EYS: variants seen among roughly 807,000 people sequenced by gnomAD.
EYS encodes protein eyes shut homolog.
In EYS, 250 loss-of-function variants were observed where a neutral mutation model predicts 282.1. The observed-to-expected ratio is 0.89, with a 90% CI of 0.80 to 0.98. EYS has a LOEUF of 0.98. EYS is among the 50% of genes least tolerant of loss of function. The pLI is 0.00. For missense variants in EYS, 4,016 were observed against 3,709.0 expected, an observed-to-expected ratio of 1.08 and a Z score of -2.15; for synonymous variants, 1,355 against 1,282.9, an observed-to-expected ratio of 1.06 and a Z score of -1.20.
At chr6:64,425,296 C>A (rs184570597) in intron 28 of EYS, among the ~76,000 whole-genome samples, 47 of 151,920 alleles carry the variant, frequency 3.1e-4, no homozygotes, top group Non-Finnish European at 5.6e-4. Context: ...TAAAAAACAC[C>A]CTGGCCATAG....
At chr6:65,484,583 T>C (rs1489745674) in intron 5 of EYS, among the ~76,000 whole-genome samples, 1 of 152,118 alleles carries the variant, frequency 6.6e-6, no homozygotes, top group Non-Finnish European at 1.5e-5. Context: ...AGGTAATTCC[T>C]CCTTATTTCA....
At chr6:65,321,252 G>A (rs533075993) in intron 11 of EYS, among the ~76,000 whole-genome samples, 2 of 152,172 alleles carry the variant, frequency 1.3e-5, no homozygotes, top group South Asian at 4.2e-4. Flanking sequence ...GGAAGGCCTG[G>A]AAGTGTAAGA....
intron 29 of EYS, among the ~76,000 whole-genome samples, chr6:64,327,878 C>T (rs1308494937): frequency 1.3e-5 from 2 of 152,114 alleles, no homozygotes; most frequent in Non-Finnish European, 2.9e-5. Flanking sequence ...GAAGAAAGCA[C>T]CCCTCAGGCA....
chr6:64,621,966 C>T (rs555975454), intron 23 of EYS, among the ~76,000 whole-genome samples: 184 of 152,218 alleles, frequency 1.2e-3, no homozygotes, highest in Admixed American at 3.1e-3. Context: ...GGTACTATTT[C>T]GGCTAAAAAC....
chr6:63,877,600 G>C (rs1040513435), intron 35 of EYS, among the ~76,000 whole-genome samples: 1 of 150,822 alleles, frequency 6.6e-6, no homozygotes, highest in East Asian at 1.9e-4. Flanking sequence ...AACACTTTCA[G>C]GTACACCAAT....
chr6:64,866,562 C>T (rs79041944), intron 19 of EYS, among the ~76,000 whole-genome samples: 1 of 151,834 alleles, frequency 6.6e-6, no homozygotes, highest in Non-Finnish European at 1.5e-5. Flanking sequence ...TAAATGTGCT[C>T]AAAAGGCCTC....
rs182738019 is a variant in EYS, at chr6:65,689,263, C to A, written c.-448+17872G>T. Among the ~76,000 whole-genome samples the A allele has an allele frequency of 2.8e-3, 417 of 150,020 alleles. 18 individuals carry two copies. The highest frequency in any genetic ancestry group is 5.1e-3 in the Non-Finnish European group (344 of 67,610). On this transcript the variant is annotated intron_variant, in intron 1 of 42. Transcript: ENST00000503581. ...GCTGGAAACCATCATTCTCAGCAAA[C>A]TATCGCAAGGACAAAAAACCAAACA...
At chr6:65,413,748 C>T (rs1767119363) in intron 5 of EYS, among the ~76,000 whole-genome samples, 1 of 151,804 alleles carries the variant, frequency 6.6e-6, no homozygotes, top group East Asian at 1.9e-4. Context: ...CCCTGCTACT[C>T]GGAAGGCTGA....
chr6:64,787,988 G>T (rs1193308893), intron 22 of EYS, among the ~76,000 whole-genome samples: 10 of 151,856 alleles, frequency 6.6e-5, no homozygotes, highest in South Asian at 6.2e-4. Context: ...TTGTCTATCT[G>T]AGTATAATAA....
chr6:64,945,226 A>G (rs1025719195), intron 15 of EYS, among the ~76,000 whole-genome samples: 2 of 151,998 alleles, frequency 1.3e-5, no homozygotes, highest in African/African-American at 4.8e-5. Context: ...TCAACAAGCA[A>G]AAAACAACTC....
intron 28 of EYS, among the ~76,000 whole-genome samples, chr6:64,422,477 G>A (rs185833514): frequency 2.2e-4 from 34 of 152,276 alleles, no homozygotes; most frequent in Non-Finnish European, 8.8e-5. Context: ...GAGGACCTTC[G>A]TACTTTAAAA....
At chr6:65,400,902 C>T (rs542909576) in intron 7 of EYS, among the ~76,000 whole-genome samples, 17 of 151,910 alleles carry the variant, frequency 1.1e-4, no homozygotes, top group African/African-American at 3.6e-4. Flanking sequence ...AGACAATTTC[C>T]CTCATTGAAG....
intron 22 of EYS, among the ~76,000 whole-genome samples, chr6:64,783,344 CTATATACA>C (rs1033149311): frequency 4.6e-5 from 7 of 150,904 alleles, no homozygotes; most frequent in African/African-American, 1.7e-4. Flanking sequence ...TACATATATC[CTATATACA>C]TATATACATA....
chr6:64,219,698 G>T (rs993804506), intron 31 of EYS, among the ~76,000 whole-genome samples: 1 of 152,168 alleles, frequency 6.6e-6, no homozygotes, highest in African/African-American at 2.4e-5. Flanking sequence ...AGCACCTGTT[G>T]TTTCCTGACT....
chr6:64,136,909 A>C (rs1157853048), intron 31 of EYS, among the ~76,000 whole-genome samples: 1 of 152,214 alleles, frequency 6.6e-6, no homozygotes, highest in Non-Finnish European at 1.5e-5. Flanking sequence ...CAAGAAAGTC[A>C]GCCTATCTTT....
At chr6:65,053,623 G>C (rs184491583) in intron 13 of EYS, among the ~76,000 whole-genome samples, 74 of 151,778 alleles carry the variant, frequency 4.9e-4, no homozygotes, top group East Asian at 5.8e-4. Flanking sequence ...TCTACACCAG[G>C]GGCCAGCAAA....
At chr6:64,198,730 TG>T (rs1725740077) in intron 31 of EYS, among the ~76,000 whole-genome samples, 1 of 152,206 alleles carries the variant, frequency 6.6e-6, no homozygotes, top group South Asian at 2.1e-4. Flanking sequence ...CTATCACTGA[TG>T]GGTATTTGGA....
chr6:65,401,526 T>A (rs536917961), intron 7 of EYS, among the ~76,000 whole-genome samples: 3 of 152,018 alleles, frequency 2.0e-5, no homozygotes, highest in African/African-American at 7.2e-5. Flanking sequence ...TATTGATGAA[T>A]TAATATACAA....
At chr6:63,823,415 C>T (rs779771148) in intron 36 of EYS, among the ~76,000 whole-genome samples, 43 of 152,054 alleles carry the variant, frequency 2.8e-4, no homozygotes, top group Non-Finnish European at 4.6e-4. Flanking sequence ...AAGATGCTAA[C>T]GTAGCAATTA....
Sources: allele counts gnomAD v4.1 joint callset (sites outside exome capture counted in the v4.1 genomes callset), GRCh38; gene constraint gnomAD v4.1.1; transcripts MANE v1.5; gene names NCBI Gene and HGNC (gene_info 2026-07-23, HGNC 2026-07-21).